ITFG1: variants seen among roughly 807,000 people sequenced by gnomAD.
ITFG1 encodes the protein integrin alpha FG-GAP repeat containing 1.
A neutral mutation model predicts 81.8 loss-of-function variants in ITFG1; 34 were observed. That is an observed-to-expected ratio of 0.42 (90% CI 0.32 to 0.55). The LOEUF is 0.55. Ranked by LOEUF, ITFG1 falls within the 20% of genes least tolerant of loss-of-function variation. The pLI is 0.17. For missense variants in ITFG1, 672 were observed against 755.4 expected (o/e 0.89, Z 1.29); for synonymous variants, 285 against 270.6 (o/e 1.05, Z -0.52).
intron 14 of ITFG1, among the ~76,000 whole-genome samples, chr16:47,186,710 A>T (rs915066797): frequency 6.6e-6 from 1 of 152,220 alleles, no homozygotes; most frequent in Non-Finnish European, 1.5e-5. Context: ...CAAGACAGGG[A>T]TGCCCTCTCT....
intron 6 of ITFG1, among the ~76,000 whole-genome samples, chr16:47,399,751 C>T (rs1968637122): frequency 6.6e-6 from 1 of 152,150 alleles, no homozygotes; most frequent in Non-Finnish European, 1.5e-5. Context: ...GTATTTTTAT[C>T]CAACTGGGAA....
intron 14 of ITFG1, among the ~76,000 whole-genome samples, chr16:47,180,016 T>C (rs1965085120): frequency 6.6e-6 from 1 of 152,160 alleles, no homozygotes; most frequent in Non-Finnish European, 1.5e-5. Context: ...AGTGATGAAA[T>C]ATGTGGTAGA....
intron 12 of ITFG1, among the ~76,000 whole-genome samples, chr16:47,240,994 T>C (rs544194925): frequency 3.6e-4 from 55 of 151,930 alleles, no homozygotes; most frequent in Non-Finnish European, 6.9e-4. Flanking sequence ...CACTGAACTA[T>C]ACCTTAAAAA....
intron 13 of ITFG1, among the ~76,000 whole-genome samples, chr16:47,231,434 T>C (rs1293457499): frequency 6.6e-6 from 1 of 152,230 alleles, no homozygotes; most frequent in Non-Finnish European, 1.5e-5. Flanking sequence ...GGAATATAAA[T>C]ACTCTTTTGA....
chr16:47,314,765 A>G (rs1315700330), intron 8 of ITFG1, among the ~76,000 whole-genome samples: 1 of 152,150 alleles, frequency 6.6e-6, no homozygotes, highest in African/African-American at 2.4e-5. Flanking sequence ...TATTGCTTTA[A>G]TCACTGATTT....
intron 8 of ITFG1, among the ~76,000 whole-genome samples, chr16:47,357,341 G>A (rs981709749): frequency 1.6e-4 from 25 of 152,000 alleles, no homozygotes; most frequent in African/African-American, 5.8e-4. Flanking sequence ...GCGGCTGGGC[G>A]CAGTGGCTCC....
intron 8 of ITFG1, among the ~76,000 whole-genome samples, chr16:47,341,479 A>G (rs890378800): frequency 6.6e-6 from 1 of 151,342 alleles, no homozygotes; most frequent in African/African-American, 2.4e-5. Context: ...CCATACCCAG[A>G]TTTACAAGAT....
chr16:47,188,341 T>C (rs543116335), intron 14 of ITFG1, among the ~76,000 whole-genome samples: 3 of 152,152 alleles, frequency 2.0e-5, no homozygotes, highest in Admixed American at 1.3e-4. Context: ...TTATTCACTA[T>C]AGCAAAGACT....
intron 14 of ITFG1, among the ~76,000 whole-genome samples, chr16:47,188,206 G>A (rs1290960862): frequency 2.6e-5 from 4 of 151,494 alleles, no homozygotes; most frequent in Admixed American, 6.6e-5. Context: ...TCAGTGTGGC[G>A]ATTCCTCAGG....
At chr16:47,196,909 G>A (rs899268009) in intron 14 of ITFG1, among the ~76,000 whole-genome samples, 21 of 152,058 alleles carry the variant, frequency 1.4e-4, no homozygotes, top group African/African-American at 3.9e-4. Context: ...CAGCCTAGGT[G>A]ACAGAGCGAG....
intron 10 of ITFG1, among the ~76,000 whole-genome samples, chr16:47,297,712 G>C (rs930026953): frequency 1.3e-5 from 2 of 150,232 alleles, no homozygotes; most frequent in South Asian, 4.2e-4. Flanking sequence ...ACATTGAGAA[G>C]TCCACTGCTA....
At position 47,352,394 on chromosome 16, in the gene ITFG1, C is replaced by T. The variant is rs566184048; in HGVS notation, c.802+13394G>A. 5.9e-5 allele frequency among the ~76,000 whole-genome samples: 9 copies of T among 152,166 alleles called. No homozygotes were observed. The South Asian group carries it at 6.2e-4, about 11-fold the overall frequency. On this transcript the variant is annotated intron_variant, in intron 8 of 17. Transcript: ENST00000320640. The stretch of plus-strand genomic sequence containing the variant: ...ACAAACAACCCCATCAAAAAGTGGG[C>T]GAAGGATATGAACAGACACTTCTCA...
intron 5 of ITFG1, among the ~76,000 whole-genome samples, chr16:47,430,969 T>C (rs1567497952): frequency 6.6e-6 from 1 of 152,208 alleles, no homozygotes; most frequent in African/African-American, 2.4e-5. Context: ...CATATATCTA[T>C]ACAATGGACT....
Position 47,168,880 on chromosome 16 carries a change from G to A in ITFG1, c.1454-6216C>T, listed in dbSNP as rs1596780166. On this transcript the variant is annotated intron_variant, in intron 14 of 17. Transcript: ENST00000320640. ...TTACATTGAGGTCCTTGATCCATGA[G>A]TTAATTATTATATATGAGTTAATTA... 2.6e-5 allele frequency among the ~76,000 whole-genome samples: 4 copies of A among 152,124 alleles called. No homozygotes were observed. The Middle Eastern group carries it at 0.014, about 517-fold the overall frequency.
intron 16 of ITFG1, 81 bp from the exon 17 acceptor site, chr16:47,159,071 T>C (rs755699806): frequency 1.5e-5 from 9 of 596,810 alleles, no homozygotes; most frequent in Admixed American, 3.5e-5. Context: ...CAAAGCAAAA[T>C]AGCTTATTAA....
At chr16:47,361,165 T>C (rs1968103632) in intron 8 of ITFG1, among the ~76,000 whole-genome samples, 1 of 152,180 alleles carries the variant, frequency 6.6e-6, no homozygotes, top group African/African-American at 2.4e-5. Context: ...ATTCTCCCTT[T>C]ACTTGAAGAA....
chr16:47,190,903 C>T (rs913205158), intron 14 of ITFG1, among the ~76,000 whole-genome samples: 1 of 152,154 alleles, frequency 6.6e-6, no homozygotes, highest in Non-Finnish European at 1.5e-5. Flanking sequence ...GGGATGACTG[C>T]ACTGGCCTGC....
intron 6 of ITFG1, among the ~76,000 whole-genome samples, chr16:47,399,077 G>C (rs544830916): frequency 6.6e-6 from 1 of 152,170 alleles, no homozygotes; most frequent in Non-Finnish European, 1.5e-5. Context: ...AGAGATTGCA[G>C]AGTATAAGAA....
intron 14 of ITFG1, among the ~76,000 whole-genome samples, chr16:47,168,875 C>A (rs1396428951): frequency 6.6e-6 from 1 of 152,048 alleles, no homozygotes; most frequent in African/African-American, 2.4e-5. Flanking sequence ...GTCCTTGATC[C>A]ATGAGTTAAT....
Sources: allele counts gnomAD v4.1 joint callset (sites outside exome capture counted in the v4.1 genomes callset), GRCh38; gene constraint gnomAD v4.1.1; transcripts MANE v1.5; gene names NCBI Gene and HGNC (gene_info 2026-07-23, HGNC 2026-07-21).